Variants in ANP32B observed in about 807,000 individuals in gnomAD.
The protein encoded by ANP32B is acidic nuclear phosphoprotein 32 family member B, also known as acidic leucine-rich nuclear phosphoprotein 32 family member B.
In ANP32B, 6 loss-of-function variants were observed where a neutral mutation model predicts 32.2. That is an observed-to-expected ratio of 0.19 (90% CI 0.10 to 0.37). The LOEUF is 0.37. ANP32B is among the 10% of genes least tolerant of loss of function. The pLI is 1.00. For synonymous variants in ANP32B, 98 were observed against 105.8 expected (o/e 0.93, Z 0.45); for missense variants, 204 against 289.2 (o/e 0.71, Z 2.14).
intron 4 of ANP32B, among the ~76,000 whole-genome samples, chr9:98,008,423 T>C (rs1321590197): frequency 6.6e-6 from 1 of 152,190 alleles, no homozygotes; most frequent in East Asian, 1.9e-4. Flanking sequence ...CACAACCCAT[T>C]TATGAATAAG....
intron 4 of ANP32B, among the ~76,000 whole-genome samples, chr9:98,008,253 A>C (rs1051672464): frequency 1.3e-5 from 2 of 152,084 alleles, no homozygotes; most frequent in Non-Finnish European, 2.9e-5. Flanking sequence ...GAGCATTGGG[A>C]TTTTTGACAT....
In ANP32B at chr9:98,011,314, AGAG is replaced by A. The variant is rs1224894043; in HGVS notation, c.565_567del (p.Glu189del). The A allele has an allele frequency of 4.8e-5, 75 of 1,549,684 alleles. No individual in the cohort carries two copies. The highest frequency in any genetic ancestry group is 5.8e-5 in the Non-Finnish European group (66 of 1,144,024). On this transcript the variant is annotated inframe_deletion, in exon 5 of 7. Transcript: ENST00000339399. ...ACGAGGACGATGAGGATGGTGAAGA[AGAG>A]GAGTTTGATGAAGAAGATGATGAAG...
At chr9:98,010,202 A>T (rs1012031693) in intron 4 of ANP32B, among the ~76,000 whole-genome samples, 28 of 145,898 alleles carry the variant, frequency 1.9e-4, no homozygotes, top group Non-Finnish European at 3.6e-4. Context: ...ATAGTGGTTT[A>T]AAAAAAAAAG....
chr9:98,008,591 G>GA (rs1277741477), intron 4 of ANP32B, among the ~76,000 whole-genome samples: 1 of 152,134 alleles, frequency 6.6e-6, no homozygotes, highest in Non-Finnish European at 1.5e-5. Context: ...AAAAAGCACT[G>GA]AAAAACCTGC....
chr9:98,005,219 G>A (rs537068286), intron 4 of ANP32B, 66 bp downstream of exon 4: 1 of 1,520,632 alleles, frequency 6.6e-7, no homozygotes, highest in Non-Finnish European at 8.9e-7. Context: ...AAAGCTATTG[G>A]ATGTTGGCCG....
At chr9:97,991,124 A>G (rs1332306117) in intron 1 of ANP32B, among the ~76,000 whole-genome samples, 2 of 140,158 alleles carry the variant, frequency 1.4e-5, no homozygotes. Flanking sequence ...TGCCCAGCCA[A>G]ACTTTTTTTT....
At chr9:97,984,959 G>A (rs1827687146) in intron 1 of ANP32B, among the ~76,000 whole-genome samples, 2 of 151,100 alleles carry the variant, frequency 1.3e-5, no homozygotes, top group South Asian at 4.1e-4. Flanking sequence ...CGGGCTGTAG[G>A]GGCCTGAGGG....
At position 98,015,383 on chromosome 9, in the gene ANP32B, A is replaced by G. The variant is rs1305412259; in HGVS notation, c.708A>G (p.Lys236=). The G allele has an allele frequency of 2.6e-6, 4 of 1,550,798 alleles. No homozygotes were observed. Among genetic ancestry groups the G allele is most frequent in the Non-Finnish European group, 3.5e-6 (4 of 1,146,800 alleles). Residue 236 remains lysine, a synonymous_variant, in exon 7 of 7, where the codon AAA becomes AAG. Transcript: ENST00000339399. ...GTACAGAGGAGGAAGAAGGTGGGAAAGGTGAAAAGAGGAAGAGAGAAACAG... is the reference window on the plus strand; with the variant it reads ...GTACAGAGGAGGAAGAAGGTGGGAAGGGTGAAAAGAGGAAGAGAGAAACAG... ...DEDEEEEEGG[K]GEKRKRETDD...
At chr9:98,013,935 G>T (rs891887362) in intron 6 of ANP32B, among the ~76,000 whole-genome samples, 4 of 152,164 alleles carry the variant, frequency 2.6e-5, no homozygotes, top group Non-Finnish European at 4.4e-5. Context: ...TGGGAGGACT[G>T]CTTGAAGTTG....
At chr9:98,012,534 T>C in intron 6 of ANP32B, 62 bp downstream of exon 6, 1 of 1,600,018 alleles carries the variant, frequency 6.2e-7, no homozygotes, top group South Asian at 1.1e-5. Context: ...ACATCCATTA[T>C]TTAGAATATG....
chr9:98,002,242 A>T (rs543673996), intron 3 of ANP32B: 1 of 152,160 alleles, frequency 6.6e-6, no homozygotes, highest in Admixed American at 6.5e-5. Context: ...CTTATAGTCA[A>T]TGCAATGATT....
intron 2 of ANP32B, among the ~76,000 whole-genome samples, chr9:97,996,157 C>G (rs1564137593): frequency 6.6e-6 from 1 of 152,072 alleles, no homozygotes; most frequent in Non-Finnish European, 1.5e-5. Flanking sequence ...ATTGGAAGCT[C>G]TGATTAGCCC....
intron 6 of ANP32B, among the ~76,000 whole-genome samples, chr9:98,013,163 C>T (rs1240739664): frequency 2.0e-5 from 3 of 152,218 alleles, no homozygotes; most frequent in Non-Finnish European, 2.9e-5. Context: ...GCTGGGATTA[C>T]AGGCATGCAC....
chr9:98,010,025 C>T (rs557662425), intron 4 of ANP32B, among the ~76,000 whole-genome samples: 1 of 151,968 alleles, frequency 6.6e-6, no homozygotes, highest in African/African-American at 2.4e-5. Flanking sequence ...TCCTAAAAAC[C>T]ATTTGTGCTT....
intron 1 of ANP32B, among the ~76,000 whole-genome samples, chr9:97,983,884 G>A (rs1351023984): frequency 6.6e-6 from 1 of 152,058 alleles, no homozygotes; most frequent in Non-Finnish European, 1.5e-5. Context: ...TTTCCCCTGA[G>A]GGAGCGCGTG....
intron 2 of ANP32B, among the ~76,000 whole-genome samples, chr9:97,998,086 C>G (rs1827933130): frequency 6.6e-6 from 1 of 152,224 alleles, no homozygotes; most frequent in South Asian, 2.1e-4. Context: ...GCAACATTCC[C>G]TGGTGGCTTC....
At chr9:98,005,278 A>G (rs1828060123) in intron 4 of ANP32B, 125 bp downstream of exon 4, 7 of 840,900 alleles carry the variant, frequency 8.3e-6, no homozygotes, top group Non-Finnish European at 1.3e-5. Flanking sequence ...TGGCCGAGGC[A>G]GGGGGCATTG....
At chr9:98,005,353 G>GAAA in intron 4 of ANP32B, 200 bp downstream of exon 4, 3 of 301,506 alleles carry the variant, frequency 1.0e-5, no homozygotes, top group Admixed American at 5.1e-5. Context: ...ACAGAAAATA[G>GAAA]AAAAAAAAAA....
chr9:98,011,283 A>T lies in ANP32B; in HGVS notation c.530A>T (p.Glu177Val), dbSNP rs1316585223. ...GGACTATTTTTAGAAGGAGAAGATG[A>T]GGAAGACGAGGACGATGAGGATGGT... is the stretch of plus-strand genomic sequence containing the variant. ...EEEEDEEGEDEEDEDDEDGEE... is the reference protein window; with the variant it reads ...EEEEDEEGEDVEDEDDEDGEE... Residue 177 changes from glutamate (E) to valine (V), a missense_variant, in exon 5 of 7, where the codon GAG becomes GTG. Physicochemically the swap from Glu to Val is moderately radical, Grantham distance 121. Transcript: ENST00000339399. 1 of 1,550,350 alleles carries T rather than the reference A, an allele frequency of 6.5e-7. No individual in the cohort carries two copies. Among genetic ancestry groups the T allele is most frequent in the East Asian group, 2.4e-5 (1 of 40,934 alleles).
Sources: gnomAD v4.1 joint callset for allele counts (sites outside exome capture counted in the v4.1 genomes callset) on GRCh38, gnomAD v4.1.1 for gene constraint, MANE v1.5 for transcripts, NCBI Gene and HGNC (gene_info 2026-07-23, HGNC 2026-07-21) for gene names.